The following APP variants were observed in gnomAD, a reference collection of about 807,000 sequenced individuals.
The protein encoded by APP is amyloid-beta precursor protein.
In APP, 31 loss-of-function variants were observed where a neutral mutation model predicts 101.4. The ratio of observed to expected loss-of-function variants is 0.31; its 90% CI spans 0.23 to 0.41. The LOEUF (loss-of-function observed/expected upper bound fraction) is 0.41. APP is among the 10% of genes least tolerant of loss of function. The pLI, the probability that APP is intolerant of heterozygous loss-of-function variation, is 1.00. For synonymous variants in APP, 366 were observed against 364.4 expected (o/e 1.00, Z -0.05); for missense variants, 839 against 1,003.7 (o/e 0.84, Z 2.22).
chr21:26,125,678 G>A (rs1032716632), intron 1 of APP, among the ~76,000 whole-genome samples: 1 of 151,934 alleles, frequency 6.6e-6, no homozygotes, highest in Non-Finnish European at 1.5e-5. Flanking sequence ...CCTGACGGGG[G>A]TGGGGGAGAA....
chr21:26,110,448 A>G (rs1284216994), intron 2 of APP, among the ~76,000 whole-genome samples: 1 of 152,128 alleles, frequency 6.6e-6, no homozygotes, highest in Admixed American at 6.6e-5. Context: ...GTCATCTCAA[A>G]AAAAAACAAA....
chr21:26,121,232 T>C (rs767299709), intron 1 of APP, among the ~76,000 whole-genome samples: 1 of 152,202 alleles, frequency 6.6e-6, no homozygotes, highest in Non-Finnish European at 1.5e-5. Context: ...GCTCTAGACA[T>C]AATTTATTTT....
At chr21:25,990,222 T>C (rs1337023257) in intron 8 of APP, among the ~76,000 whole-genome samples, 1 of 152,206 alleles carries the variant, frequency 6.6e-6, no homozygotes, top group Non-Finnish European at 1.5e-5. Context: ...CATAAGGTAA[T>C]AAAAATATAA....
chr21:26,038,769 C>A lies in APP; in HGVS notation c.662+12231G>T, dbSNP rs148642446. On this transcript the variant is annotated intron_variant, in intron 5 of 17. Coordinates refer to ENST00000346798, the MANE Select transcript of APP (RefSeq NM_000484.4). ...ACAGAGTCTTAAACAAACAAACAAACAAAAAAAACATCCCATGCTGCTGGC... is the reference window on the plus strand; with the variant it reads ...ACAGAGTCTTAAACAAACAAACAAAAAAAAAAAACATCCCATGCTGCTGGC... Among the ~76,000 whole-genome samples the A allele has an allele frequency of 3.4e-3, 520 of 151,856 alleles. 4 individuals are homozygous for A. The highest frequency in any genetic ancestry group is 0.011 in the African/African-American group (455 of 41,418).
intron 2 of APP, among the ~76,000 whole-genome samples, chr21:26,100,736 G>GT (rs2146158542): frequency 7.4e-6 from 1 of 135,608 alleles, no homozygotes; most frequent in Admixed American, 7.9e-5. Context: ...TGCTGATCCT[G>GT]TTAATCTATA....
In APP at chr21:26,024,875, T is replaced by C. The variant is rs147529708; in HGVS notation, c.663-2833A>G. On this transcript the variant is annotated intron_variant, in intron 5 of 17. Transcript: ENST00000346798. Reference sequence around the variant, plus strand: ...TTAAGTGAAGACATCCGAAGAAGTTTAGCATGTGGCTAAAGAATAAAAAGA... The same window carrying C: ...TTAAGTGAAGACATCCGAAGAAGTTCAGCATGTGGCTAAAGAATAAAAAGA... Among the ~76,000 whole-genome samples, 3 of 152,362 alleles carry C rather than the reference T, an allele frequency of 2.0e-5. No homozygotes were observed. The East Asian group carries it at 5.8e-4, about 29-fold the overall frequency.
chr21:25,975,331 C>G (rs1248364453), intron 10 of APP, 103 bp from the exon 11 acceptor site: 1 of 1,459,484 alleles, frequency 6.9e-7, no homozygotes, highest in Non-Finnish European at 9.5e-7. Context: ...TCTTCTAGTG[C>G]TAAAAAGTAT....
At chr21:26,099,407 C>T (rs1163776041) in intron 2 of APP, among the ~76,000 whole-genome samples, 2 of 152,184 alleles carry the variant, frequency 1.3e-5, no homozygotes, top group African/African-American at 4.8e-5. Flanking sequence ...GACATCACTG[C>T]AAATGTTTTA....
intron 3 of APP, among the ~76,000 whole-genome samples, chr21:26,062,226 A>C (rs867107332): frequency 1.1e-3 from 94 of 86,474 alleles, no homozygotes; most frequent in East Asian, 6.3e-3. Flanking sequence ...CAAACAAACA[A>C]ACAAACACAC....
chr21:26,051,261 T>C (rs966922015), intron 4 of APP, 68 bp from the exon 5 acceptor site: 8 of 1,459,238 alleles, frequency 5.5e-6, no homozygotes, highest in African/African-American at 1.4e-5. Context: ...AAACTCCACA[T>C]AAAATAATCA....
chr21:26,020,533 T>C (rs1168889746), intron 6 of APP, among the ~76,000 whole-genome samples: 2 of 152,168 alleles, frequency 1.3e-5, no homozygotes, highest in Non-Finnish European at 2.9e-5. Flanking sequence ...CATGTTAAGC[T>C]CTAATAGAAC....
intron 17 of APP, among the ~76,000 whole-genome samples, chr21:25,887,078 A>G (rs938810807): frequency 2.0e-5 from 3 of 152,140 alleles, no homozygotes; most frequent in African/African-American, 7.2e-5. Flanking sequence ...CAGATCTGTG[A>G]GAGGAAAACT....
chr21:26,155,756 G>A lies in APP; in HGVS notation c.57+14808C>T, dbSNP rs1396330957. On this transcript the variant is annotated intron_variant, in intron 1 of 17. Transcript: ENST00000346798. ...CATGCCTGTAATCCCAGCACTTTGG[G>A]AGGCCGAGACGGGTGGATCATGAGG... Among the ~76,000 whole-genome samples the A allele has an allele frequency of 5.9e-5, 9 of 152,306 alleles. No individual in the cohort carries two copies. In the East Asian group the frequency reaches 1.5e-3, roughly 26 times the overall value.
rs150811266 is a variant in APP, at chr21:25,889,342, A to C, written c.2211+2380T>G. On this transcript the variant is annotated intron_variant, in intron 17 of 17. Coordinates refer to ENST00000346798, the MANE Select transcript of APP (RefSeq NM_000484.4). ...ACAGGCATCTGCAAACCAAGGAGAG[A>C]TGCCTGGGGAGGAACCAACCTGGCT... Among the ~76,000 whole-genome samples the C allele has an allele frequency of 1.2e-4, 19 of 152,266 alleles. 1 individual carries two copies. The highest frequency in any genetic ancestry group is 4.3e-4 in the African/African-American group (18 of 41,538).
At chr21:26,120,014 C>T (rs1401181099) in intron 1 of APP, among the ~76,000 whole-genome samples, 1 of 152,164 alleles carries the variant, frequency 6.6e-6, no homozygotes, top group East Asian at 1.9e-4. Flanking sequence ...AAGAGATATT[C>T]TACATATATT....
At chr21:25,924,380 A>AT (rs1489818606) in intron 13 of APP, among the ~76,000 whole-genome samples, 248 of 3,688 alleles carry the variant, frequency 0.067, 4 homozygotes, top group African/African-American at 0.097. Flanking sequence ...AAAGTATAAT[A>AT]AAAAAAAAAA....
Position 25,911,959 on chromosome 21 carries a change from T to A in APP, c.1691A>T (p.Glu564Val), listed in dbSNP as rs771132182. ...ATAGTTTTGCTCTTTCTGAAGCAGCTCATCTAAACCAAACAAAACCATCTC... is the reference window on the plus strand; with the variant it reads ...ATAGTTTTGCTCTTTCTGAAGCAGCACATCTAAACCAAACAAAACCATCTC... ...VAEEIQDEVDELLQKEQNYSD... is the reference protein window; with the variant it reads ...VAEEIQDEVDVLLQKEQNYSD... Residue 564 changes from glutamate to valine, a missense_variant, in exon 14 of 18, where the codon GAG becomes GTG. Transcript: ENST00000346798. 1.2e-5 allele frequency: 20 copies of A among 1,613,134 alleles called. No individual in the cohort carries two copies. In the South Asian group the frequency reaches 2.1e-4, roughly 17 times the overall value.
chr21:25,951,232 A>G (rs1486010126), intron 13 of APP, among the ~76,000 whole-genome samples: 1 of 152,192 alleles, frequency 6.6e-6, no homozygotes, highest in Non-Finnish European at 1.5e-5. Context: ...CCCTTCACCG[A>G]TAGCATTCCT....
rs1334791875 is a variant in APP at position 25,982,369 on chromosome 21, G to A, written c.1199C>T (p.Ala400Val). 1.9e-6 allele frequency: 3 copies of A among 1,613,732 alleles called. No homozygotes were observed. Among genetic ancestry groups the A allele is most frequent in the Non-Finnish European group, 1.7e-6 (2 of 1,179,850 alleles). ...CTGGGACATTCTCTCTCGGTGCTTG[G>A]CCTCAAGCCTCTCTTTGGCTTTCTG... ...HFQKAKERLE[A>V]KHRERMSQVM... Residue 400 changes from alanine (A) to valine (V), a missense_variant, in exon 9 of 18, where the codon GCC becomes GTC. Ala to Val is a moderately conservative substitution (Grantham distance 64). Coordinates refer to ENST00000346798, the MANE Select transcript of APP (RefSeq NM_000484.4).
Sources: gnomAD v4.1 joint callset for allele counts (sites outside exome capture counted in the v4.1 genomes callset) on GRCh38, gnomAD v4.1.1 for gene constraint, MANE v1.5 for transcripts, NCBI Gene and HGNC (gene_info 2026-07-23, HGNC 2026-07-21) for gene names.